EXT1: variants seen among roughly 807,000 people sequenced by gnomAD.
EXT1 encodes exostosin glycosyltransferase 1, also known as exostosin-1.
EXT1 carries 20 observed loss-of-function variants against 82.5 expected under a neutral mutation model. That is an observed-to-expected ratio of 0.24 (90% CI 0.17 to 0.35). The LOEUF is 0.35. EXT1 is among the 10% of genes least tolerant of loss of function. The pLI is 1.00. For missense variants in EXT1, 757 were observed against 936.5 expected (o/e 0.81, Z 2.50); for synonymous variants, 348 against 350.8 (o/e 0.99, Z 0.09).
chr8:118,014,979 T>G (rs1001293398), intron 1 of EXT1, among the ~76,000 whole-genome samples: 7 of 152,204 alleles, frequency 4.6e-5, no homozygotes, highest in Non-Finnish European at 1.0e-4. Flanking sequence ...TTTTGGAGCA[T>G]TTGTGTCAAA....
At chr8:118,041,650 A>T (rs1309016839) in intron 1 of EXT1, among the ~76,000 whole-genome samples, 4 of 138,952 alleles carry the variant, frequency 2.9e-5, no homozygotes. Flanking sequence ...AAGAAAAAGA[A>T]AGAAAGAGAG....
intron 1 of EXT1, among the ~76,000 whole-genome samples, chr8:118,007,190 G>T (rs1277512330): frequency 6.6e-6 from 1 of 151,976 alleles, no homozygotes; most frequent in Non-Finnish European, 1.5e-5. Context: ...CCAGCTACTC[G>T]GGAGGCTGAG....
chr8:118,059,615 CGTTCCCTGCTAT>C (rs1413738591), intron 1 of EXT1, among the ~76,000 whole-genome samples: 1 of 152,202 alleles, frequency 6.6e-6, no homozygotes, highest in Non-Finnish European at 1.5e-5. Flanking sequence ...ATGTTTCATC[CGTTCCCTGCTAT>C]GGTCCCTCAT....
At chr8:117,928,699 T>C (rs990256892) in intron 1 of EXT1, among the ~76,000 whole-genome samples, 10 of 151,894 alleles carry the variant, frequency 6.6e-5, no homozygotes, top group African/African-American at 2.4e-4. Context: ...GGATGTGATA[T>C]CTGAAGCAAT....
chr8:117,993,343 A>T (rs772819090), intron 1 of EXT1, among the ~76,000 whole-genome samples: 4 of 152,222 alleles, frequency 2.6e-5, no homozygotes, highest in South Asian at 2.1e-4. Context: ...CAACTATAAG[A>T]ACTAAACTTG....
intron 3 of EXT1, chr8:117,831,715 G>A: frequency 4.3e-6 from 2 of 470,078 alleles, no homozygotes; most frequent in Non-Finnish European, 8.8e-6. Flanking sequence ...CATGGCATTT[G>A]ACTAAGACTG....
At chr8:118,091,134 G>A (rs1047298710) in intron 1 of EXT1, among the ~76,000 whole-genome samples, 8 of 152,162 alleles carry the variant, frequency 5.3e-5, no homozygotes, top group Non-Finnish European at 1.2e-4. Flanking sequence ...CCCAAAAGGA[G>A]ACAGTTTCAA....
rs1320930465 is a variant in EXT1, at chr8:118,035,784, T to A, written c.962+74301A>T. Among the ~76,000 whole-genome samples, 7 of 152,174 alleles carry A rather than the reference T, an allele frequency of 4.6e-5. No individual in the cohort carries two copies. In the South Asian group the frequency reaches 1.2e-3, roughly 27 times the overall value. ...ATCTAAACTGAACATTTTTCTTCAA[T>A]CTGTAAGTATTCTGTATTTGGACTT... On this transcript the variant is annotated intron_variant, in intron 1 of 10. Transcript: ENST00000378204.
chr8:117,932,305 C>T (rs1814074862), intron 1 of EXT1, among the ~76,000 whole-genome samples: 1 of 152,114 alleles, frequency 6.6e-6, no homozygotes, highest in Admixed American at 6.5e-5. Flanking sequence ...CAAATGCTGG[C>T]TGGGGAGCAA....
chr8:117,811,944 T>A (rs1193359050), intron 8 of EXT1, among the ~76,000 whole-genome samples: 2 of 152,140 alleles, frequency 1.3e-5, no homozygotes, highest in African/African-American at 4.8e-5. Context: ...AGACACTGAG[T>A]TCACCTAGGC....
At chr8:118,003,644 A>G (rs946089144) in intron 1 of EXT1, among the ~76,000 whole-genome samples, 3 of 152,170 alleles carry the variant, frequency 2.0e-5, no homozygotes, top group Non-Finnish European at 4.4e-5. Context: ...TTGCTATACA[A>G]TTTTACTTGC....
At chr8:118,035,972 A>T (rs1257325358) in intron 1 of EXT1, among the ~76,000 whole-genome samples, 1 of 152,214 alleles carries the variant, frequency 6.6e-6, no homozygotes, top group Non-Finnish European at 1.5e-5. Flanking sequence ...TAACCTAAGA[A>T]TGAGCCCTTA....
intron 1 of EXT1, among the ~76,000 whole-genome samples, chr8:118,097,306 G>A (rs991645585): frequency 6.6e-6 from 1 of 152,114 alleles, no homozygotes; most frequent in African/African-American, 2.4e-5. Context: ...AATTAGCCGG[G>A]CATGGTGGTA....
At chr8:117,864,468 G>A (rs895394366) in intron 1 of EXT1, among the ~76,000 whole-genome samples, 2 of 152,184 alleles carry the variant, frequency 1.3e-5, no homozygotes, top group Admixed American at 6.5e-5. Context: ...AAAAAATCGC[G>A]ATCAGGAGCA....
In EXT1 at chr8:118,110,922, C is replaced by T. The variant is rs754998142; in HGVS notation, c.125G>A (p.Gly42Asp). ...RSHSRREEHS[G>D]RNGLHHPSPD... is the part of the protein sequence containing the mutation. The stretch of plus-strand genomic sequence containing the variant: ...ACTGGGGTGGTGCAAGCCATTCCTA[C>T]CGCTGTGTTCTTCTCTCCGGCTGTG... The change falls in exon 1 of 11, where the codon GGT (glycine) becomes GAT (aspartate). Residue 42 changes from glycine to aspartate, a missense_variant. By Grantham distance (94) the Gly-to-Asp change is moderately conservative. Transcript: ENST00000378204. 3 of 1,613,898 alleles carry T rather than the reference C, an allele frequency of 1.9e-6. No individual in the cohort carries two copies. Among genetic ancestry groups the T allele is most frequent in the East Asian group, 2.2e-5 (1 of 44,876 alleles).
chr8:117,806,466 A>AG (rs1444058436), intron 9 of EXT1, among the ~76,000 whole-genome samples: 1 of 152,200 alleles, frequency 6.6e-6, no homozygotes, highest in East Asian at 1.9e-4. Context: ...TTAGAGAAAA[A>AG]GTCAAGTCCT....
At chr8:117,941,333 A>C (rs776327065) in intron 1 of EXT1, among the ~76,000 whole-genome samples, 3 of 152,210 alleles carry the variant, frequency 2.0e-5, no homozygotes, top group Non-Finnish European at 4.4e-5. Context: ...AGAGGAAGAT[A>C]AGAAAATCAG....
intron 1 of EXT1, among the ~76,000 whole-genome samples, chr8:118,094,033 G>A (rs1817566932): frequency 6.6e-6 from 1 of 152,172 alleles, no homozygotes; most frequent in Non-Finnish European, 1.5e-5. Context: ...TACCTGGATT[G>A]CTAGAAAAGA....
At chr8:118,039,265 A>G (rs7357588) in intron 1 of EXT1, among the ~76,000 whole-genome samples, 72,982 of 152,050 alleles carry the variant, frequency 0.48, 18,147 homozygotes, top group African/African-American at 0.6. Flanking sequence ...CCTCTATTCT[A>G]TTTCAACATT....
Sources: allele counts gnomAD v4.1 joint callset (sites outside exome capture counted in the v4.1 genomes callset), GRCh38; gene constraint gnomAD v4.1.1; transcripts MANE v1.5; gene names NCBI Gene and HGNC (gene_info 2026-07-23, HGNC 2026-07-21).